Variants in SLC22A23 observed in about 807,000 individuals in gnomAD.
The protein encoded by SLC22A23 is solute carrier family 22 member 23.
In SLC22A23, 26 loss-of-function variants were observed where a neutral mutation model predicts 61.0. The observed-to-expected ratio is 0.43, with a 90% CI of 0.31 to 0.59. The LOEUF (loss-of-function observed/expected upper bound fraction) is 0.59, where lower values mean the gene tolerates loss of function less well. Among genes scored for constraint, SLC22A23 ranks in the 20% least tolerant of loss-of-function variants. The probability of loss-of-function intolerance (pLI) is 0.11; values close to 1 mark genes in which losing one functional copy is unlikely to be tolerated. For missense variants in SLC22A23, 796 were observed against 934.7 expected (o/e 0.85, Z 1.94); for synonymous variants, 430 against 413.9 (o/e 1.04, Z -0.47).
At position 3,273,161 on chromosome 6, in the gene SLC22A23, AGCAGTGGCTGCTC is replaced by A; in HGVS notation, c.1942_1954del (p.Glu648CysfsTer32). ...GTCCTTGAGCTCGGCGTTGGTGAGC[AGCAGTGGCTGCTC>A]CCCCTTCTTGTGCGGCAGCAGCGGC... On this transcript the variant is annotated frameshift_variant, in exon 10 of 10. Coordinates refer to ENST00000406686, the MANE Select transcript of SLC22A23 (RefSeq NM_015482.2). LOFTEE classifies it high-confidence loss of function. 6.2e-7 allele frequency: 1 copy of A among 1,612,388 alleles called. No individual in the cohort carries two copies. Among genetic ancestry groups the A allele is most frequent in the Non-Finnish European group, 8.5e-7 (1 of 1,179,838 alleles).
chr6:3,451,188 T>C (rs1772139746), intron 1 of SLC22A23, among the ~76,000 whole-genome samples: 1 of 152,232 alleles, frequency 6.6e-6, no homozygotes, highest in Non-Finnish European at 1.5e-5. Flanking sequence ...CAATGCAGGA[T>C]ACACTGTGCA....
chr6:3,402,373 T>C (rs1768452515), intron 3 of SLC22A23, among the ~76,000 whole-genome samples: 1 of 64,870 alleles, frequency 1.5e-5, no homozygotes, highest in Non-Finnish European at 3.0e-5. Flanking sequence ...GTGTGTGTTG[T>C]TCCATCCTCC....
At chr6:3,451,839 C>T (rs1437744120) in intron 1 of SLC22A23, among the ~76,000 whole-genome samples, 1 of 152,164 alleles carries the variant, frequency 6.6e-6, no homozygotes, top group Non-Finnish European at 1.5e-5. Flanking sequence ...AACGGTTCAA[C>T]TTGATGATTT....
chr6:3,322,004 G>A lies in SLC22A23; in HGVS notation c.1082+1830C>T, dbSNP rs1054469886. Among the ~76,000 whole-genome samples the A allele has an allele frequency of 2.6e-5, 4 of 152,198 alleles. No individual in the cohort carries two copies. The highest frequency in any genetic ancestry group is 9.7e-5 in the African/African-American group (4 of 41,446). On this transcript the variant is annotated intron_variant, in intron 4 of 9. Transcript: ENST00000406686. This position sits in a 1 kb window ranked among gnomAD's most constrained non-coding sequence, Gnocchi z 4.1. ...TTTAATGAGCAAGTATTTATTGCAT[G>A]TACCAGGGTGCCCGGCAGCCTACTT...
intron 3 of SLC22A23, among the ~76,000 whole-genome samples, chr6:3,359,815 T>G (rs899842538): frequency 1.3e-5 from 2 of 152,170 alleles, no homozygotes; most frequent in South Asian, 4.1e-4. Context: ...CATCAACAGA[T>G]GAATGGATAA....
At chr6:3,449,344 A>G (rs953055715) in intron 1 of SLC22A23, among the ~76,000 whole-genome samples, 2 of 152,256 alleles carry the variant, frequency 1.3e-5, no homozygotes, top group Non-Finnish European at 2.9e-5. Context: ...ACGTTTCTAC[A>G]TAACAAAAAT....
At chr6:3,350,667 C>T (rs1017746100) in intron 3 of SLC22A23, among the ~76,000 whole-genome samples, 1 of 152,200 alleles carries the variant, frequency 6.6e-6, no homozygotes, top group African/African-American at 2.4e-5. Flanking sequence ...CTGATCCATT[C>T]GTCAAACTGG....
rs150727073 is a variant in SLC22A23 at position 3,395,974 on chromosome 6, C to T, written c.913+14214G>A. Among the ~76,000 whole-genome samples the T allele has an allele frequency of 2.3e-3, 343 of 152,284 alleles. 3 individuals are homozygous for T. Among genetic ancestry groups the T allele is most frequent in the African/African-American group, 8.0e-3 (332 of 41,552 alleles). The stretch of plus-strand genomic sequence containing the variant: ...TACGAGAACTCATGCAAATTCCTTA[C>T]AAGATGATTGTACACATTTAAATAA... On this transcript the variant is annotated intron_variant, in intron 3 of 9. Transcript: ENST00000406686.
At chr6:3,431,066 CAAAAAAAAAAA>C (rs751754256) in intron 1 of SLC22A23, among the ~76,000 whole-genome samples, 1 of 129,462 alleles carries the variant, frequency 7.7e-6, no homozygotes, top group Non-Finnish European at 1.6e-5. Context: ...AACTCCGTCT[CAAAAAAAAAAA>C]AAAAAAAAGA....
chr6:3,298,081 G>A lies in SLC22A23; in HGVS notation c.1210+10C>T. The A allele has an allele frequency of 2.0e-6, 3 of 1,520,326 alleles. No homozygotes were observed. The highest frequency in any genetic ancestry group is 2.6e-6 in the Non-Finnish European group (3 of 1,137,898). 94.2% of individuals were successfully genotyped at this position (1,520,326 alleles called of 1,614,324 possible). On this transcript the variant is annotated intron_variant, in intron 5 of 9. Coordinates refer to ENST00000406686, the MANE Select transcript of SLC22A23 (RefSeq NM_015482.2). Reference sequence around the variant, plus strand: ...CCTCTCTGAGCCCTGCCAGCCCGCGGTGTGCTCACCTGGTATCACACCCTT... The same window carrying A: ...CCTCTCTGAGCCCTGCCAGCCCGCGATGTGCTCACCTGGTATCACACCCTT...
chr6:3,338,976 C>A (rs553371153), intron 3 of SLC22A23, among the ~76,000 whole-genome samples: 2 of 152,232 alleles, frequency 1.3e-5, no homozygotes, highest in Admixed American at 6.5e-5. Context: ...AGAAAGTAAC[C>A]CCAAGACTGA....
chr6:3,310,410 A>AGGG (rs1561888421), intron 4 of SLC22A23, among the ~76,000 whole-genome samples: 59 of 92,064 alleles, frequency 6.4e-4, no homozygotes, highest in Admixed American at 1.7e-3. Context: ...TCTCCCACTC[A>AGGG]AGCACCCTGT....
chr6:3,340,908 C>T (rs1227074455), intron 3 of SLC22A23, among the ~76,000 whole-genome samples: 3 of 152,188 alleles, frequency 2.0e-5, no homozygotes, highest in African/African-American at 2.4e-5. Context: ...GCTTATGCTC[C>T]TTCTTTCAGG....
intron 4 of SLC22A23, among the ~76,000 whole-genome samples, chr6:3,314,331 T>A (rs529397999): frequency 6.6e-6 from 1 of 152,164 alleles, no homozygotes; most frequent in Non-Finnish European, 1.5e-5. Context: ...GCTCATTATG[T>A]ATGACTGGGC....
At chr6:3,314,037 A>G (rs1247330310) in intron 4 of SLC22A23, among the ~76,000 whole-genome samples, 1 of 152,258 alleles carries the variant, frequency 6.6e-6, no homozygotes, top group African/African-American at 2.4e-5. Context: ...CTCAAAAAAA[A>G]TTCTTAAATG....
intron 3 of SLC22A23, among the ~76,000 whole-genome samples, chr6:3,409,684 T>C (rs1769077774): frequency 6.6e-6 from 1 of 152,164 alleles, no homozygotes; most frequent in African/African-American, 2.4e-5. Context: ...GATAGATCAA[T>C]GAAAGAAATG....
chr6:3,334,543 G>C (rs1417943401), intron 3 of SLC22A23, among the ~76,000 whole-genome samples: 1 of 152,012 alleles, frequency 6.6e-6, no homozygotes, highest in African/African-American at 2.4e-5. Context: ...AACACCCAAA[G>C]GGCAAGGCAG....
At chr6:3,338,719 C>T (rs1327682955) in intron 3 of SLC22A23, among the ~76,000 whole-genome samples, 1 of 152,218 alleles carries the variant, frequency 6.6e-6, no homozygotes, top group Non-Finnish European at 1.5e-5. Context: ...AGTTTTACCA[C>T]TTCATAATTA....
At position 3,330,827 on chromosome 6, in the gene SLC22A23, A is replaced by G. The variant is rs1348189221; in HGVS notation, c.914-6825T>C. On this transcript the variant is annotated intron_variant, in intron 3 of 9. Transcript: ENST00000406686. The surrounding 1 kb of genome is among the most constrained non-coding windows in gnomAD (Gnocchi z 4.7). ...AAAGAGTAGTTTTCTCCATTTAGAGAAAGGGAAAATTTTAAAAAACAGAGA... is the reference window on the plus strand; with the variant it reads ...AAAGAGTAGTTTTCTCCATTTAGAGGAAGGGAAAATTTTAAAAAACAGAGA... Among the ~76,000 whole-genome samples the G allele has an allele frequency of 6.6e-6, 1 of 152,240 alleles. No individual in the cohort carries two copies. The highest frequency in any genetic ancestry group is 2.4e-5 in the African/African-American group (1 of 41,472).
Sources: gnomAD v4.1 joint callset for allele counts (sites outside exome capture counted in the v4.1 genomes callset) on GRCh38, gnomAD v4.1.1 for gene constraint, Gnocchi (gnomAD v3.1) non-coding constraint, MANE v1.5 for transcripts, NCBI Gene and HGNC (gene_info 2026-07-23, HGNC 2026-07-21) for gene names.